THBS1: variants seen among roughly 807,000 people sequenced by gnomAD.
The protein encoded by THBS1 is thrombospondin-1.
In THBS1, 29 loss-of-function variants were observed where a neutral mutation model predicts 126.1. The ratio of observed to expected loss-of-function variants is 0.23; its 90% CI spans 0.17 to 0.31. THBS1 has a LOEUF of 0.31. THBS1 is among the 10% of genes least tolerant of loss of function. The pLI, the probability that THBS1 is intolerant of heterozygous loss-of-function variation, is 1.00. For missense variants in THBS1, 1,198 were observed against 1,545.2 expected (o/e 0.78, Z 3.77); for synonymous variants, 496 against 577.8 (o/e 0.86, Z 2.03).
rs141870498 is a variant in THBS1 at position 39,583,483 on chromosome 15, A to G, written c.628-134A>G. On this transcript the variant is annotated intron_variant, in intron 3 of 21. Transcript: ENST00000260356. ...TAATGTTGCTGTGTTATTTTGACAT[A>G]GTGATCTTAAGACAGCTCTTTGAAG... 887 of 623,848 alleles carry G rather than the reference A, an allele frequency of 1.4e-3. 5 individuals are homozygous for G. The African/African-American group carries it at 0.014, about 10-fold the overall frequency. 38.6% of individuals were successfully genotyped at this position (623,848 alleles called of 1,614,324 possible).
chr15:39,583,948 A>G, intron 4 of THBS1, 40 bp from the exon 5 acceptor site: 1 of 1,608,108 alleles, frequency 6.2e-7, no homozygotes, highest in Non-Finnish European at 8.5e-7. Flanking sequence ...GCTGGTTGGT[A>G]AGAGTATCTA....
rs1890389586 is a variant in THBS1, at chr15:39,594,332, G to C, written c.3397G>C (p.Ala1133Pro). ...GATGTATGAAGGGAAGAAAATCATG[G>C]CTGACTCAGGACCCATCTATGATAA... Reference protein sequence around the residue: ...VVMYEGKKIMADSGPIYDKTY... With the variant: ...VVMYEGKKIMPDSGPIYDKTY... The change falls in exon 21 of 22, where the codon GCT becomes CCT. Residue 1133 changes from alanine to proline, a missense_variant. By Grantham distance (27) the Ala-to-Pro change is conservative. Coordinates refer to ENST00000260356, the MANE Select transcript of THBS1 (RefSeq NM_003246.4). This position sits in a 1 kb window ranked among gnomAD's most constrained non-coding sequence, Gnocchi z 4.4. The C allele has an allele frequency of 6.2e-7, 1 of 1,614,052 alleles. No individual in the cohort carries two copies. The highest frequency in any genetic ancestry group is 1.3e-5 in the African/African-American group (1 of 74,914).
In THBS1 at chr15:39,583,539, A is replaced by C. The variant is rs1890150211; in HGVS notation, c.628-78A>C. The C allele has an allele frequency of 4.2e-6, 5 of 1,202,644 alleles. No individual in the cohort carries two copies. The South Asian group carries it at 5.7e-5, about 14-fold the overall frequency. 74.5% of individuals were successfully genotyped at this position (1,202,644 alleles called of 1,614,324 possible). On this transcript the variant is annotated intron_variant, in intron 3 of 21. Coordinates refer to ENST00000260356, the MANE Select transcript of THBS1 (RefSeq NM_003246.4). ...AGAACATCTATTGTATGCTTTTCCT[A>C]GCATACAGACAGTCTCCCCCAACCC... is the stretch of plus-strand genomic sequence containing the variant.
chr15:39,595,435 G>A lies in THBS1; in HGVS notation c.*66G>A. 14 of 1,481,234 alleles carry A rather than the reference G, an allele frequency of 9.5e-6. No individual in the cohort carries two copies. Among genetic ancestry groups the A allele is most frequent in the African/African-American group, 1.4e-5 (1 of 71,282 alleles). 91.8% of individuals were successfully genotyped at this position (1,481,234 alleles called of 1,614,324 possible). ...CTGGTATTGCACCTTCTGGAACTAT[G>A]GGCTTGAGAAAACCCCCAGGATCAC... On this transcript the variant is annotated 3_prime_UTR_variant, in exon 22 of 22. Coordinates refer to ENST00000260356, the MANE Select transcript of THBS1 (RefSeq NM_003246.4).
At position 39,588,511 on chromosome 15, in the gene THBS1, TTCA is replaced by T; in HGVS notation, c.1472-12_1472-10del. On this transcript the variant is annotated splice_polypyrimidine_tract_variant and intron_variant, in intron 9 of 21. Coordinates refer to ENST00000260356, the MANE Select transcript of THBS1 (RefSeq NM_003246.4). ...AGTTGATCTTAATTGTTGCCTGTGGTTCATCTTCTTACAGTCAATGGAGGCTGG... is the reference window on the plus strand; with the variant it reads ...AGTTGATCTTAATTGTTGCCTGTGGTTCTTCTTACAGTCAATGGAGGCTGG... 6.5e-7 allele frequency: 1 copy of T among 1,535,052 alleles called. No individual in the cohort carries two copies. The highest frequency in any genetic ancestry group is 8.7e-7 in the Non-Finnish European group (1 of 1,143,460).
intron 10 of THBS1, 30 bp downstream of exon 10, chr15:39,588,729 C>T: frequency 6.4e-7 from 1 of 1,552,242 alleles, no homozygotes; most frequent in East Asian, 2.3e-5. Flanking sequence ...ATGAAACGAC[C>T]CAGGAGCTTT....
intron 7 of THBS1, 92 bp downstream of exon 7, chr15:39,585,655 C>T (rs1296730328): frequency 2.6e-6 from 3 of 1,174,412 alleles, no homozygotes; most frequent in Non-Finnish European, 3.7e-6. Flanking sequence ...GAACCCCACC[C>T]CCATCTCCAT....
Position 39,597,280 on chromosome 15 carries a change from G to GTTTTTTTTTTTTTTTTTTTTTTTTTTTTT in THBS1, c.*1932_*1933insTTTTTTTTTTTTTTTTTTTTTTTTTTTTT. 6.2e-5 allele frequency: 3 copies of GTTTTTTTTTTTTTTTTTTTTTTTTTTTTT among 48,044 alleles called. No homozygotes were observed. Among genetic ancestry groups the GTTTTTTTTTTTTTTTTTTTTTTTTTTTTT allele is most frequent in the East Asian group, 6.9e-4 (1 of 1,450 alleles). 3.0% of individuals were successfully genotyped at this position (48,044 alleles called of 1,614,324 possible). A position where few individuals can be genotyped will look rare whatever the true frequency, so the allele number is the denominator to read the frequency against. ...GTTGGTTTTTTCTTTTTTTTGTTTT[G>GTTTTTTTTTTTTTTTTTTTTTTTTTTTTT]TTTTTTTTTTTTTTTTTTTTTGCTT... is the stretch of plus-strand genomic sequence containing the variant. On this transcript the variant is annotated 3_prime_UTR_variant, in exon 22 of 22. Coordinates refer to ENST00000260356, the MANE Select transcript of THBS1 (RefSeq NM_003246.4).
At chr15:39,587,569 TGTC>T in intron 8 of THBS1, 49 bp downstream of exon 8, 2 of 1,547,776 alleles carry the variant, frequency 1.3e-6, no homozygotes, top group Non-Finnish European at 1.8e-6. Context: ...CTGTCCTTGT[TGTC>T]GTCACCAAGG....
chr15:39,590,339 CTGTA>C (rs1298426786), intron 13 of THBS1, among the ~76,000 whole-genome samples, 173 bp from the exon 14 acceptor site: 3 of 152,170 alleles, frequency 2.0e-5, no homozygotes, highest in African/African-American at 7.2e-5. Flanking sequence ...TACACAAATT[CTGTA>C]TGTATATCCC....
chr15:39,593,059 G>A lies in THBS1; in HGVS notation c.2827G>A (p.Asp943Asn), dbSNP rs376526834. The A allele has an allele frequency of 1.7e-5, 28 of 1,607,504 alleles. No individual in the cohort carries two copies. The highest frequency in any genetic ancestry group is 3.3e-4 in the Middle Eastern group (2 of 6,036). ...DFDHDSVPDI[D>N]DICPENVDIS... ...TGACCATGACAGTGTGCCAGACATC[G>A]ATGACATCTGTCCTGAGAATGTTGA... Residue 943 changes from aspartate (D) to asparagine (N), a missense_variant, in exon 18 of 22, where the codon GAT (aspartate) becomes AAT (asparagine). Asp to Asn is a conservative substitution (Grantham distance 23). Coordinates refer to ENST00000260356, the MANE Select transcript of THBS1 (RefSeq NM_003246.4). This position sits in a 1 kb window ranked among gnomAD's most constrained non-coding sequence, Gnocchi z 5.9.
chr15:39,593,366 G>T lies in THBS1; in HGVS notation c.2996-31G>T, dbSNP rs1434288838. Reference sequence around the variant, plus strand: ...ATGGAGAACCTTCTGAAGGCTGCAGGTTTTAACCTGGCTCTGGGCTCTTCT... The same window carrying T: ...ATGGAGAACCTTCTGAAGGCTGCAGTTTTTAACCTGGCTCTGGGCTCTTCT... On this transcript the variant is annotated intron_variant, in intron 18 of 21. Coordinates refer to ENST00000260356, the MANE Select transcript of THBS1 (RefSeq NM_003246.4). This position sits in a 1 kb window ranked among gnomAD's most constrained non-coding sequence, Gnocchi z 5.9. 1 of 1,613,204 alleles carries T rather than the reference G, an allele frequency of 6.2e-7. No individual in the cohort carries two copies. The highest frequency in any genetic ancestry group is 8.5e-7 in the Non-Finnish European group (1 of 1,179,522).
rs753113850 is a variant in THBS1 at position 39,588,597 on chromosome 15, C to T, written c.1543C>T (p.Arg515Cys). The part of the protein sequence containing the change: ...SVTCGGGVQK[R>C]SRLCNNPTPQ... ...CACCTGTGGAGGAGGGGTACAGAAA[C>T]GTAGTCGTCTCTGCAACAACCCCAC... Residue 515 changes from arginine to cysteine, a missense_variant, in exon 10 of 22, where the codon CGT becomes TGT. Coordinates refer to ENST00000260356, the MANE Select transcript of THBS1 (RefSeq NM_003246.4). 6.2e-7 allele frequency: 1 copy of T among 1,610,270 alleles called. No homozygotes were observed. The highest frequency in any genetic ancestry group is 8.5e-7 in the Non-Finnish European group (1 of 1,178,564).
At chr15:39,584,222 AC>A in intron 5 of THBS1, 35 bp downstream of exon 5, 1 of 1,613,942 alleles carries the variant, frequency 6.2e-7, no homozygotes, top group Non-Finnish European at 8.5e-7. Context: ...GTTAGCATGA[AC>A]CCTGGAAGGT....
At chr15:39,591,483 A>AT in intron 15 of THBS1, 22 bp from the exon 16 acceptor site, 1 of 1,613,860 alleles carries the variant, frequency 6.2e-7, no homozygotes, top group South Asian at 1.1e-5. Context: ...CCCAGCTCTT[A>AT]TTTGTCCCTT....
rs1232517307 is a variant in THBS1 at position 39,597,813 on chromosome 15, G to C, written c.*2444G>C. 1 of 152,094 alleles carries C rather than the reference G, an allele frequency of 6.6e-6. No homozygotes were observed. Among genetic ancestry groups the C allele is most frequent in the African/African-American group, 2.4e-5 (1 of 41,426 alleles). The allele number at this position is 152,094 out of a possible 1,614,324, so 9.4% of individuals were successfully genotyped here. A position where few individuals can be genotyped will look rare whatever the true frequency, so the allele number is the denominator to read the frequency against. On this transcript the variant is annotated 3_prime_UTR_variant, in exon 22 of 22. Transcript: ENST00000260356. ...TCAAAGTGCAGTATGAAAACAAAGG[G>C]AAAAACACTGAAGCACACGCAACTC...
At position 39,584,085 on chromosome 15, in the gene THBS1, A is replaced by G. The variant is rs201096369; in HGVS notation, c.801A>G (p.Gln267=). The change falls in exon 5 of 22, where the codon CAA becomes CAG. Residue 267 remains glutamine, a synonymous_variant. Coordinates refer to ENST00000260356, the MANE Select transcript of THBS1 (RefSeq NM_003246.4). ...NYIGHKTKDL[Q]AICGISCDEL... is the part of the protein sequence containing the mutation. ...TTGGCCACAAGACAAAGGACTTGCAAGCCATCTGCGGCATCTCCTGTGATG... is the reference window on the plus strand; with the variant it reads ...TTGGCCACAAGACAAAGGACTTGCAGGCCATCTGCGGCATCTCCTGTGATG... The G allele has an allele frequency of 4.3e-6, 7 of 1,614,220 alleles. No homozygotes were observed. Among genetic ancestry groups the G allele is most frequent in the Middle Eastern group, 1.6e-4 (1 of 6,062 alleles).
At position 39,598,416 on chromosome 15, in the gene THBS1, G is replaced by A. The variant is rs1303828697; in HGVS notation, c.*3047G>A. ...AGAAAGTGTTGATAATAGCTGTGGA[G>A]TTAGGAAAACTGATGTGAAGGAAAT... On this transcript the variant is annotated 3_prime_UTR_variant, in exon 22 of 22. Coordinates refer to ENST00000260356, the MANE Select transcript of THBS1 (RefSeq NM_003246.4). 6.6e-6 allele frequency: 1 copy of A among 152,222 alleles called. No homozygotes were observed. Among genetic ancestry groups the A allele is most frequent in the Non-Finnish European group, 1.5e-5 (1 of 68,036 alleles). The allele number at this position is 152,222 out of a possible 1,614,324, so 9.4% of individuals were successfully genotyped here. A position where few individuals can be genotyped will look rare whatever the true frequency, so the allele number is the denominator to read the frequency against.
At position 39,582,722 on chromosome 15, in the gene THBS1, C is replaced by G; in HGVS notation, c.597C>G (p.Ile199Met). 6.2e-7 allele frequency: 1 copy of G among 1,612,478 alleles called. No individual in the cohort carries two copies. Among genetic ancestry groups the G allele is most frequent in the African/African-American group, 1.3e-5 (1 of 75,062 alleles). ...TGGCCAGCATCGCCAGACTCCGCATCGCAAAGGGGGGCGTCAATGACAATT... is the reference window on the plus strand; with the variant it reads ...TGGCCAGCATCGCCAGACTCCGCATGGCAAAGGGGGGCGTCAATGACAATT... ...RDLASIARLR[I>M]AKGGVNDNFQ... The change falls in exon 3 of 22, where the codon ATC (isoleucine) becomes ATG (methionine). Residue 199 changes from isoleucine to methionine, a missense_variant. Around this residue, in one of 4 missense-constraint regions of THBS1, gnomAD observed 271 missense variants for 277.0 expected, o/e 0.98. Coordinates refer to ENST00000260356, the MANE Select transcript of THBS1 (RefSeq NM_003246.4).
Sources: allele counts gnomAD v4.1 joint callset (sites outside exome capture counted in the v4.1 genomes callset), GRCh38; gene constraint gnomAD v4.1.1; regional missense constraint gnomAD v4.1.1; non-coding constraint Gnocchi (gnomAD v3.1); transcripts MANE v1.5; gene names NCBI Gene and HGNC (gene_info 2026-07-23, HGNC 2026-07-21).